MTMR8: variants seen among roughly 807,000 people sequenced by gnomAD.
The protein encoded by MTMR8 is phosphatidylinositol-3,5-bisphosphate 3-phosphatase MTMR8.
MTMR8 carries 65 observed loss-of-function variants against 39.3 expected under a neutral mutation model. The observed-to-expected ratio is 1.65, with a 90% confidence interval of 1.35 to 2.03. MTMR8 has a LOEUF of 2.03. Ranked by LOEUF, MTMR8 falls within the 30% of genes most tolerant of loss-of-function variation. The pLI, the probability that MTMR8 is intolerant of heterozygous loss-of-function variation, is 0.00. For synonymous variants in MTMR8, 245 were observed against 185.2 expected (o/e 1.32, Z -2.62); for missense variants, 777 against 538.9 (o/e 1.44, Z -4.37).
chrX:64,273,731 G>A (rs990680765), intron 12 of MTMR8, among the ~76,000 whole-genome samples: 10 of 110,918 alleles, frequency 9.0e-5, no homozygotes, highest in African/African-American at 1.3e-4. Flanking sequence ...AGATTTAAGG[G>A]CACACATAGG....
At chrX:64,382,495 G>A (rs1924453731) in intron 1 of MTMR8, among the ~76,000 whole-genome samples, 1 of 111,616 alleles carries the variant, frequency 9.0e-6, no homozygotes. Context: ...AGCCTAAGGA[G>A]ATTTTGGGCT....
chrX:64,294,519 C>G (rs1921501235), intron 12 of MTMR8, among the ~76,000 whole-genome samples: 1 of 112,022 alleles, frequency 8.9e-6, no homozygotes, highest in South Asian at 3.7e-4. Context: ...GTTATCACAA[C>G]TGTGAGCAAA....
At chrX:64,280,984 C>T (rs1015418273) in intron 12 of MTMR8, among the ~76,000 whole-genome samples, 5 of 110,838 alleles carry the variant, frequency 4.5e-5, no homozygotes, top group Non-Finnish European at 9.4e-5. Flanking sequence ...AGGAATACAG[C>T]TAACAAGGGA....
At chrX:64,271,212 A>G (rs1931753101) in intron 12 of MTMR8, 139 bp from the exon 13 acceptor site, 1 of 574,545 alleles carries the variant, frequency 1.7e-6, no homozygotes, top group African/African-American at 2.4e-5. Context: ...TGACATTAAA[A>G]AGCCTGGACA....
At chrX:64,308,292 C>G (rs977842262) in intron 12 of MTMR8, among the ~76,000 whole-genome samples, 2 of 106,288 alleles carry the variant, frequency 1.9e-5, no homozygotes, top group African/African-American at 6.9e-5. Flanking sequence ...GCAGCTGGGA[C>G]TACAGGTGCC....
chrX:64,382,157 G>C (rs1245893264), intron 1 of MTMR8, among the ~76,000 whole-genome samples: 2 of 111,655 alleles, frequency 1.8e-5, no homozygotes, highest in African/African-American at 6.5e-5. Flanking sequence ...TTGGTAGATT[G>C]ATGGGGATGG....
chrX:64,319,596 G>T (rs1325621260), intron 12 of MTMR8, among the ~76,000 whole-genome samples: 1 of 111,733 alleles, frequency 8.9e-6, no homozygotes, highest in Non-Finnish European at 1.9e-5. Context: ...TGTAAGGAAG[G>T]GATCCAGTTT....
chrX:64,356,413 C>A, intron 2 of MTMR8, 75 bp from the exon 3 acceptor site: 1 of 949,775 alleles, frequency 1.1e-6, no homozygotes, highest in Non-Finnish European at 1.4e-6. Flanking sequence ...TCCTGACTCT[C>A]CGTAATGGTA....
At chrX:64,354,030 G>T (rs1923552044) in intron 4 of MTMR8, among the ~76,000 whole-genome samples, 1 of 109,684 alleles carries the variant, frequency 9.1e-6, no homozygotes, top group African/African-American at 3.3e-5. Context: ...TGGAACTGGG[G>T]GACATTATAT....
At chrX:64,302,483 T>G (rs1334140498) in intron 12 of MTMR8, among the ~76,000 whole-genome samples, 2 of 111,985 alleles carry the variant, frequency 1.8e-5, no homozygotes, top group African/African-American at 6.5e-5. Flanking sequence ...CCTAGTGAGA[T>G]GAACCCGGTA....
intron 6 of MTMR8, 76 bp from the exon 7 acceptor site, chrX:64,345,253 A>G (rs1482313752): frequency 9.8e-7 from 1 of 1,016,783 alleles, no homozygotes; most frequent in Non-Finnish European, 1.4e-6. Context: ...TCAATGCCTC[A>G]TTCTGAACCG....
chrX:64,361,586 T>G (rs776081376), intron 1 of MTMR8, among the ~76,000 whole-genome samples: 4 of 111,567 alleles, frequency 3.6e-5, no homozygotes, highest in African/African-American at 1.3e-4. Flanking sequence ...TCATATGCTT[T>G]ATCTCAATTG....
At chrX:64,354,707 A>C in intron 4 of MTMR8, 70 bp downstream of exon 4, 1 of 1,030,718 alleles carries the variant, frequency 9.7e-7, no homozygotes, top group Non-Finnish European at 1.3e-6. Context: ...CTTTTTTCAA[A>C]ATCTTGTTTC....
rs764160082 is a variant in MTMR8 at position 64,337,256 on chromosome X, G to A, written c.1101+12C>T. On this transcript the variant is annotated intron_variant, in intron 9 of 13. Transcript: ENST00000374852. ...CTTACACAAAGTAAAATATAGTAGCGTGCTCTCTTACCATGAGTCCTTTGA... is the reference window on the plus strand; with the variant it reads ...CTTACACAAAGTAAAATATAGTAGCATGCTCTCTTACCATGAGTCCTTTGA... The A allele has an allele frequency of 1.8e-5, 22 of 1,202,120 alleles. No individual in the cohort carries two copies. The highest frequency in any genetic ancestry group is 1.8e-4 in the South Asian group (10 of 55,176).
At chrX:64,297,868 G>C (rs1352411030) in intron 12 of MTMR8, among the ~76,000 whole-genome samples, 8 of 107,015 alleles carry the variant, frequency 7.5e-5, no homozygotes, top group African/African-American at 2.7e-4. Flanking sequence ...TTTTTCTCAG[G>C]TTTGTCAAAG....
intron 12 of MTMR8, among the ~76,000 whole-genome samples, chrX:64,307,874 C>G (rs1326823441): frequency 1.8e-5 from 2 of 112,351 alleles, no homozygotes; most frequent in African/African-American, 6.5e-5. Flanking sequence ...ATTTCTTTAT[C>G]AGCATTTTCT....
At chrX:64,318,715 T>G (rs767844160) in intron 12 of MTMR8, among the ~76,000 whole-genome samples, 79 of 105,231 alleles carry the variant, frequency 7.5e-4, no homozygotes, top group African/African-American at 2.4e-3. Flanking sequence ...TTTGTTTTTT[T>G]TTTTTTTTTT....
At chrX:64,270,848 C>T in intron 13 of MTMR8, 99 bp downstream of exon 13, 1 of 991,818 alleles carries the variant, frequency 1.0e-6, no homozygotes, top group South Asian at 2.8e-5. Flanking sequence ...TATAAAAAAG[C>T]CAGCCAGTCA....
At chrX:64,296,529 T>C (rs895267058) in intron 12 of MTMR8, among the ~76,000 whole-genome samples, 1 of 108,971 alleles carries the variant, frequency 9.2e-6, no homozygotes, top group African/African-American at 3.3e-5. Flanking sequence ...CGGACTGTTA[T>C]ATAAATGAAC....
Sources: allele counts gnomAD v4.1 joint callset (sites outside exome capture counted in the v4.1 genomes callset), GRCh38; gene constraint gnomAD v4.1.1; transcripts MANE v1.5; gene names NCBI Gene and HGNC (gene_info 2026-07-23, HGNC 2026-07-21).